PTPRD: variants seen among roughly 807,000 people sequenced by gnomAD.
PTPRD encodes protein tyrosine phosphatase receptor type D.
In PTPRD, 34 loss-of-function variants were observed where a neutral mutation model predicts 214.5. The ratio of observed to expected loss-of-function variants is 0.16; its 90% CI spans 0.12 to 0.21. The LOEUF is 0.21. Ranked by LOEUF, PTPRD falls within the 10% of genes least tolerant of loss-of-function variation. PTPRD has a pLI of 1.00. For missense variants in PTPRD, 2,545 were observed against 2,398.7 expected, an observed-to-expected ratio of 1.06 and a Z score of -1.27; for synonymous variants, 1,128 against 845.7, an observed-to-expected ratio of 1.33 and a Z score of -5.79.
intron 7 of PTPRD, among the ~76,000 whole-genome samples, chr9:9,596,608 C>A (rs116504030): frequency 0.012 from 1,885 of 152,050 alleles, 42 homozygotes; most frequent in African/African-American, 0.043. Flanking sequence ...AGTCTCCTTT[C>A]AAATGATACA....
Position 10,267,315 on chromosome 9 carries a change from C to T in PTPRD, c.-545+73648G>A, listed in dbSNP as rs541046764. Among the ~76,000 whole-genome samples the T allele has an allele frequency of 1.3e-3, 198 of 152,046 alleles. 1 individual carries two copies. The highest frequency in any genetic ancestry group is 4.5e-3 in the African/African-American group (185 of 41,480). Reference sequence around the variant, plus strand: ...AAAATAGATATACAAATTATAGGCACTTAGTATCTCAGGAACACTAGCGTC... The same window carrying T: ...AAAATAGATATACAAATTATAGGCATTTAGTATCTCAGGAACACTAGCGTC... On this transcript the variant is annotated intron_variant, in intron 3 of 45. Coordinates refer to ENST00000381196, the MANE Select transcript of PTPRD (RefSeq NM_002839.4).
At chr9:10,005,633 G>A (rs748470727) in intron 4 of PTPRD, among the ~76,000 whole-genome samples, 10 of 152,140 alleles carry the variant, frequency 6.6e-5, no homozygotes, top group Middle Eastern at 6.8e-3. Context: ...ATGGTTATGT[G>A]CCTTCATTAA....
intron 4 of PTPRD, among the ~76,000 whole-genome samples, chr9:10,000,410 A>T (rs1399203846): frequency 6.6e-6 from 1 of 152,132 alleles, no homozygotes; most frequent in Non-Finnish European, 1.5e-5. Flanking sequence ...TGCTGCAAAC[A>T]GAGCCCCACA....
At chr9:9,941,474 C>A (rs1268232131) in intron 4 of PTPRD, among the ~76,000 whole-genome samples, 1 of 152,114 alleles carries the variant, frequency 6.6e-6, no homozygotes, top group Non-Finnish European at 1.5e-5. Context: ...AGGAACCCAG[C>A]ACCACGCCTG....
intron 10 of PTPRD, among the ~76,000 whole-genome samples, chr9:9,122,401 A>G (rs1276584758): frequency 6.6e-6 from 1 of 152,238 alleles, no homozygotes; most frequent in Non-Finnish European, 1.5e-5. Flanking sequence ...ATCTTAATAT[A>G]TGATAGAAAT....
At chr9:10,177,523 A>T (rs1050427694) in intron 3 of PTPRD, among the ~76,000 whole-genome samples, 5 of 151,832 alleles carry the variant, frequency 3.3e-5, no homozygotes, top group African/African-American at 1.2e-4. Context: ...TATAGAAAAC[A>T]AATGGAAAGA....
chr9:10,237,208 T>C (rs953299935), intron 3 of PTPRD, among the ~76,000 whole-genome samples: 5 of 151,810 alleles, frequency 3.3e-5, no homozygotes, highest in African/African-American at 9.6e-5. Flanking sequence ...CTTTGTACCA[T>C]CCTCTCAATT....
chr9:8,340,207 A>G (rs1445580379), intron 42 of PTPRD, 136 bp downstream of exon 42: 1 of 1,011,736 alleles, frequency 9.9e-7, no homozygotes. Context: ...CTAACAAGGA[A>G]TGATGGTCCG....
intron 3 of PTPRD, among the ~76,000 whole-genome samples, chr9:10,330,107 A>G (rs1597270999): frequency 6.6e-6 from 1 of 151,662 alleles, no homozygotes; most frequent in African/African-American, 2.4e-5. Context: ...GGTAACTGTC[A>G]ATTTGTATAA....
chr9:9,770,453 T>C (rs2098743230), intron 5 of PTPRD, among the ~76,000 whole-genome samples: 2 of 152,186 alleles, frequency 1.3e-5, no homozygotes, highest in Non-Finnish European at 2.9e-5. Flanking sequence ...TAAGATACAT[T>C]TGTATTGGTA....
chr9:8,642,034 G>C (rs2096588091), intron 12 of PTPRD, among the ~76,000 whole-genome samples: 2 of 152,178 alleles, frequency 1.3e-5, no homozygotes, highest in African/African-American at 2.4e-5. Flanking sequence ...ATACTAAGTA[G>C]TGCTAGACAT....
intron 7 of PTPRD, among the ~76,000 whole-genome samples, chr9:9,609,468 G>C (rs910239182): frequency 6.6e-6 from 1 of 152,102 alleles, no homozygotes; most frequent in Non-Finnish European, 1.5e-5. Flanking sequence ...TTTTGTTGTC[G>C]TTGTTTGTTT....
intron 10 of PTPRD, among the ~76,000 whole-genome samples, chr9:9,165,051 C>CA (rs35703586): frequency 0.41 from 48,259 of 117,196 alleles, 8,986 homozygotes; most frequent in Middle Eastern, 0.48. Context: ...GACTCCATCT[C>CA]AAAAAAAAAA....
At chr9:9,581,832 G>T (rs916111581) in intron 7 of PTPRD, among the ~76,000 whole-genome samples, 2 of 152,046 alleles carry the variant, frequency 1.3e-5, no homozygotes, top group African/African-American at 4.8e-5. Context: ...GGTATATAAT[G>T]CTTGTTAAGT....
intron 10 of PTPRD, among the ~76,000 whole-genome samples, chr9:9,112,242 C>T (rs1021780783): frequency 2.6e-5 from 4 of 152,162 alleles, no homozygotes; most frequent in South Asian, 2.1e-4. Flanking sequence ...GTGCCCTCCT[C>T]TAGCTAATAA....
chr9:8,862,906 C>T (rs1245001005), intron 11 of PTPRD, among the ~76,000 whole-genome samples: 2 of 148,738 alleles, frequency 1.3e-5, no homozygotes. Flanking sequence ...ACATCACACT[C>T]TGGGGACGGT....
chr9:9,918,842 T>C (rs572198704), intron 5 of PTPRD, among the ~76,000 whole-genome samples: 87 of 152,250 alleles, frequency 5.7e-4, no homozygotes, highest in African/African-American at 2.0e-3. Flanking sequence ...GAGAACTGGA[T>C]AGCCACCTGC....
Position 8,933,237 on chromosome 9 carries a change from T to C in PTPRD, c.-104+85460A>G, listed in dbSNP as rs954088172. ...GTTCCAATGAGATGAGCAGGGTACA[T>C]CAGTTGGAAATGAAAAAATCATCTG... is the stretch of plus-strand genomic sequence containing the variant. On this transcript the variant is annotated intron_variant, in intron 11 of 45. Transcript: ENST00000381196. 4.0e-5 allele frequency among the ~76,000 whole-genome samples: 6 copies of C among 150,538 alleles called. No homozygotes were observed. In the South Asian group the frequency reaches 1.1e-3, roughly 27 times the overall value.
chr9:10,371,497 G>T (rs1565604918), intron 2 of PTPRD, among the ~76,000 whole-genome samples: 3 of 151,982 alleles, frequency 2.0e-5, no homozygotes, highest in Non-Finnish European at 2.9e-5. Flanking sequence ...AGAGCACTTT[G>T]TCCTCCTGCT....
Sources: gnomAD v4.1 joint callset for allele counts (sites outside exome capture counted in the v4.1 genomes callset) on GRCh38, gnomAD v4.1.1 for gene constraint, MANE v1.5 for transcripts, NCBI Gene and HGNC (gene_info 2026-07-23, HGNC 2026-07-21) for gene names.